PRKACB: variants seen among roughly 807,000 people sequenced by gnomAD.
PRKACB encodes cAMP-dependent protein kinase catalytic subunit beta.
A neutral mutation model predicts 51.4 loss-of-function variants in PRKACB; 16 were observed. The observed-to-expected ratio is 0.31, with a 90% CI of 0.21 to 0.47. The LOEUF is 0.47. PRKACB is among the 20% of genes least tolerant of loss of function. The probability of loss-of-function intolerance (pLI) is 1.00; values close to 1 mark genes in which losing one functional copy is unlikely to be tolerated. For synonymous variants in PRKACB, 147 were observed against 154.4 expected (o/e 0.95, Z 0.35); for missense variants, 309 against 464.5 (o/e 0.67, Z 3.08).
At chr1:84,152,894 G>A (rs1558032832) in intron 1 of PRKACB, among the ~76,000 whole-genome samples, 1 of 151,990 alleles carries the variant, frequency 6.6e-6, no homozygotes, top group Non-Finnish European at 1.5e-5. Flanking sequence ...TCTCAGCTTG[G>A]CTGTATGGTG....
chr1:84,138,467 G>A (rs150908512), intron 1 of PRKACB, among the ~76,000 whole-genome samples: 44 of 152,064 alleles, frequency 2.9e-4, no homozygotes, highest in African/African-American at 9.9e-4. Flanking sequence ...ATATTCATTC[G>A]AGATGAAATT....
intron 9 of PRKACB, among the ~76,000 whole-genome samples, chr1:84,219,078 C>T (rs1056553927): frequency 3.3e-5 from 5 of 152,096 alleles, no homozygotes; most frequent in Admixed American, 1.3e-4. Flanking sequence ...TTTTTTCTCC[C>T]ATTCAACAGG....
chr1:84,121,101 T>A (rs1035168017), intron 1 of PRKACB, among the ~76,000 whole-genome samples: 12 of 152,132 alleles, frequency 7.9e-5, no homozygotes, highest in Non-Finnish European at 5.9e-5. Flanking sequence ...TTAAACATCT[T>A]TTCTAACATG....
At chr1:84,148,243 C>T (rs1654381377) in intron 1 of PRKACB, among the ~76,000 whole-genome samples, 1 of 152,088 alleles carries the variant, frequency 6.6e-6, no homozygotes, top group Non-Finnish European at 1.5e-5. Flanking sequence ...CAGGTATCAT[C>T]TCTGTAACAA....
intron 8 of PRKACB, among the ~76,000 whole-genome samples, chr1:84,203,927 T>C (rs749651760): frequency 2.6e-5 from 4 of 152,020 alleles, no homozygotes; most frequent in Non-Finnish European, 5.9e-5. Flanking sequence ...CTACATTTAG[T>C]GTGAAAGCTT....
chr1:84,126,044 G>A (rs1339357890), intron 1 of PRKACB, among the ~76,000 whole-genome samples: 3 of 132,772 alleles, frequency 2.3e-5, no homozygotes, highest in African/African-American at 8.3e-5. Flanking sequence ...ATCCGCAGGA[G>A]TAGAATCCTG....
chr1:84,188,663 G>A (rs956033235), intron 5 of PRKACB, among the ~76,000 whole-genome samples: 2 of 151,630 alleles, frequency 1.3e-5, no homozygotes, highest in African/African-American at 4.8e-5. Flanking sequence ...AAAAGATCTA[G>A]TATCACATCA....
At chr1:84,140,564 AC>A, upstream of PRKACB, among the ~76,000 whole-genome samples, 1 of 152,184 alleles carries the variant, frequency 6.6e-6, no homozygotes, top group Non-Finnish European at 1.5e-5. Context: ...CTTTTATTTA[AC>A]CTTTAAACTC....
At chr1:84,167,922 TTA>T (rs916213721) in intron 1 of PRKACB, among the ~76,000 whole-genome samples, 3 of 151,502 alleles carry the variant, frequency 2.0e-5, no homozygotes, top group African/African-American at 7.3e-5. Context: ...AAAAAATTGG[TTA>T]TATGTGAAAA....
intron 8 of PRKACB, among the ~76,000 whole-genome samples, chr1:84,207,547 C>A (rs556066486): frequency 1.3e-5 from 2 of 152,184 alleles, no homozygotes; most frequent in South Asian, 4.2e-4. Context: ...ACTGGGATTG[C>A]AGATATTTTG....
At chr1:84,217,196 A>G (rs1274281766) in intron 9 of PRKACB, among the ~76,000 whole-genome samples, 2 of 152,232 alleles carry the variant, frequency 1.3e-5, no homozygotes, top group East Asian at 3.8e-4. Context: ...GGATTGGCCC[A>G]GGCTCCATTT....
At chr1:84,096,022 A>G (rs1033642064) in intron 1 of PRKACB, among the ~76,000 whole-genome samples, 7 of 151,894 alleles carry the variant, frequency 4.6e-5, no homozygotes, top group African/African-American at 1.7e-4. Flanking sequence ...AATTGAATGT[A>G]TTTTGTATCA....
At chr1:84,112,335 C>T (rs1179914895) in intron 1 of PRKACB, among the ~76,000 whole-genome samples, 1 of 150,346 alleles carries the variant, frequency 6.7e-6, no homozygotes, top group Non-Finnish European at 1.5e-5. Context: ...TGGGTTCAAG[C>T]AATTCTGCTG....
chr1:84,181,297 A>G (rs908629342), intron 2 of PRKACB, among the ~76,000 whole-genome samples: 11 of 152,046 alleles, frequency 7.2e-5, no homozygotes, highest in African/African-American at 2.7e-4. Context: ...GGCCTTCAGA[A>G]TATTTTTCTG....
chr1:84,183,378 A>G (rs891920736), intron 3 of PRKACB, among the ~76,000 whole-genome samples: 7 of 151,950 alleles, frequency 4.6e-5, no homozygotes, highest in Non-Finnish European at 1.0e-4. Flanking sequence ...ATACAAAGAT[A>G]GTTTTTGTTA....
chr1:84,145,179 T>A (rs1429905585), intron 1 of PRKACB, among the ~76,000 whole-genome samples: 1 of 152,158 alleles, frequency 6.6e-6, no homozygotes, highest in African/African-American at 2.4e-5. Context: ...CTTTCAGGCA[T>A]GTTAAAATGT....
At chr1:84,164,527 C>A in intron 1 of PRKACB, 2 of 1,469,956 alleles carry the variant, frequency 1.4e-6, no homozygotes, top group Non-Finnish European at 1.8e-6. Context: ...AATCATGTGG[C>A]TCTAAAATAA....
intron 1 of PRKACB, among the ~76,000 whole-genome samples, chr1:84,155,120 GTATAT>G: frequency 6.6e-6 from 1 of 151,992 alleles, no homozygotes; most frequent in South Asian, 2.1e-4. Context: ...ATATTATCTT[GTATAT>G]TAAAGACCCT....
intron 1 of PRKACB, among the ~76,000 whole-genome samples, chr1:84,130,189 CAAAAAAAA>C (rs71097833): frequency 5.3e-5 from 3 of 56,184 alleles, no homozygotes; most frequent in Non-Finnish European, 9.6e-5. Context: ...GACTCCGTCT[CAAAAAAAA>C]AAAAAAAAAA....
Sources: gnomAD v4.1 joint callset for allele counts (sites outside exome capture counted in the v4.1 genomes callset) on GRCh38, gnomAD v4.1.1 for gene constraint, MANE v1.5 for transcripts, NCBI Gene and HGNC (gene_info 2026-07-23, HGNC 2026-07-21) for gene names.